PRR5: variants seen among roughly 807,000 people sequenced by gnomAD.
The protein encoded by PRR5 is proline rich 5.
PRR5 carries 25 observed loss-of-function variants against 30.6 expected under a neutral mutation model. The ratio of observed to expected loss-of-function variants is 0.82; its 90% CI spans 0.60 to 1.14. The LOEUF (loss-of-function observed/expected upper bound fraction) is 1.14. Ranked by LOEUF, PRR5 falls within the 50% of genes most tolerant of loss-of-function variation. The probability of loss-of-function intolerance (pLI) is 0.00; values close to 1 mark genes in which losing one functional copy is unlikely to be tolerated. For synonymous variants in PRR5, 286 were observed against 247.1 expected (o/e 1.16, Z -1.48); for missense variants, 600 against 547.1 (o/e 1.10, Z -0.96).
intron 1 of PRR5, among the ~76,000 whole-genome samples, chr22:44,678,059 T>A (rs559990331): frequency 6.6e-6 from 1 of 152,216 alleles, no homozygotes; most frequent in African/African-American, 2.4e-5. Flanking sequence ...TGAAGGGAAG[T>A]GCTGGTACCC....
chr22:44,727,352 G>T (rs1242589897), intron 4 of PRR5, among the ~76,000 whole-genome samples: 1 of 152,192 alleles, frequency 6.6e-6, no homozygotes, highest in Non-Finnish European at 1.5e-5. Context: ...AGGTGAGGGG[G>T]TCCACTCAGT....
At chr22:44,730,805 C>A (rs1171146797) in intron 4 of PRR5, 2 of 525,948 alleles carry the variant, frequency 3.8e-6, no homozygotes, top group Admixed American at 7.0e-5. Flanking sequence ...GCTGGCCTGG[C>A]CCTGGGTCCT....
chr22:44,675,057 G>A (rs548536216), upstream of PRR5, among the ~76,000 whole-genome samples: 27 of 150,732 alleles, frequency 1.8e-4, no homozygotes, highest in East Asian at 1.2e-3. Context: ...GACCATCCTG[G>A]CTAACACGGT....
At chr22:44,723,791 A>G (rs1930291453) in intron 2 of PRR5, among the ~76,000 whole-genome samples, 1 of 152,180 alleles carries the variant, frequency 6.6e-6, no homozygotes, top group African/African-American at 2.4e-5. Context: ...TCAGAACATG[A>G]TCATTTTTCA....
chr22:44,733,291 CCA>C (rs1410807922), intron 6 of PRR5, among the ~76,000 whole-genome samples: 1 of 152,254 alleles, frequency 6.6e-6, no homozygotes, highest in Non-Finnish European at 1.5e-5. Flanking sequence ...TGTCGCAGGA[CCA>C]CACAGTCACT....
upstream of PRR5, among the ~76,000 whole-genome samples, chr22:44,675,307 G>A (rs1923674715): frequency 6.6e-6 from 1 of 152,234 alleles, no homozygotes; most frequent in African/African-American, 2.4e-5. Context: ...TGCCCAGGCT[G>A]GTTTTGAACT....
Position 44,733,947 on chromosome 22 carries a change from C to T in PRR5, c.556-1080C>T, listed in dbSNP as rs368978319. Among the ~76,000 whole-genome samples the T allele has an allele frequency of 2.0e-5, 3 of 152,270 alleles. No individual in the cohort carries two copies. In the East Asian group the frequency reaches 5.8e-4, roughly 29 times the overall value. Reference sequence around the variant, plus strand: ...ATCCCAAGAGTCCTGGGTTAGTCCTCGCCTCTGGCTGGCTGGATTGTCACT... The same window carrying T: ...ATCCCAAGAGTCCTGGGTTAGTCCTTGCCTCTGGCTGGCTGGATTGTCACT... On this transcript the variant is annotated intron_variant, in intron 6 of 7. Transcript: ENST00000336985.
chr22:44,683,487 C>A (rs537428826), intron 1 of PRR5, among the ~76,000 whole-genome samples: 1 of 152,238 alleles, frequency 6.6e-6, no homozygotes, highest in African/African-American at 2.4e-5. Context: ...CAGAAACTGC[C>A]GAGAAGATCT....
intron 2 of PRR5, among the ~76,000 whole-genome samples, chr22:44,720,950 G>A (rs1929841325): frequency 6.6e-6 from 1 of 152,190 alleles, no homozygotes; most frequent in Non-Finnish European, 1.5e-5. Context: ...TCCAGCCATT[G>A]TGAGCCAAGG....
In PRR5 at chr22:44,732,034, G is replaced by A. The variant is rs376263607; in HGVS notation, c.414+213G>A. On this transcript the variant is annotated intron_variant, in intron 5 of 7. Coordinates refer to ENST00000336985, the MANE Select transcript of PRR5 (RefSeq NM_181333.4). ...CCCTCCCTGTGAATCCCCCAGCAGC[G>A]AGGCACAGCGTAGGGGCTCTGTGAC... 2.1e-4 allele frequency among the ~76,000 whole-genome samples: 32 copies of A among 152,334 alleles called. No individual in the cohort carries two copies. The East Asian group carries it at 5.4e-3, about 26-fold the overall frequency.
upstream of PRR5, among the ~76,000 whole-genome samples, chr22:44,699,408 T>C (rs1926054710): frequency 6.6e-6 from 1 of 152,228 alleles, no homozygotes. Context: ...GGGAAACCAT[T>C]TCATCCCATC....
rs144585355 is a variant in PRR5, at chr22:44,718,006, C to T, written c.215+3335C>T. On this transcript the variant is annotated intron_variant, in intron 2 of 7. Transcript: ENST00000336985. Reference sequence around the variant, plus strand: ...CTGGGATTACAGGCGTGAGCCGTTGCACCCAGCCTGCCTGCTTCGCTTCTT... The same window carrying T: ...CTGGGATTACAGGCGTGAGCCGTTGTACCCAGCCTGCCTGCTTCGCTTCTT... Among the ~76,000 whole-genome samples the T allele has an allele frequency of 2.8e-3, 423 of 152,252 alleles. 6 individuals are homozygous for T. Among genetic ancestry groups the T allele is most frequent in the Admixed American group, 0.014 (207 of 15,300 alleles).
At chr22:44,676,243 C>G (rs1569060518), upstream of PRR5, among the ~76,000 whole-genome samples, 1 of 150,982 alleles carries the variant, frequency 6.6e-6, no homozygotes, top group African/African-American at 2.4e-5. Context: ...AAAAATGAGT[C>G]AGCCGGGCAT....
At chr22:44,716,680 T>C (rs1929101429) in intron 2 of PRR5, among the ~76,000 whole-genome samples, 1 of 152,200 alleles carries the variant, frequency 6.6e-6, no homozygotes, top group Admixed American at 6.5e-5. Context: ...TGAATAGAGC[T>C]GGAGCTCAAG....
intron 1 of PRR5, among the ~76,000 whole-genome samples, chr22:44,692,681 GAA>G (rs1341843361): frequency 6.6e-6 from 1 of 152,220 alleles, no homozygotes; most frequent in Non-Finnish European, 1.5e-5. Flanking sequence ...ATTCTTCTAA[GAA>G]AAGGCTGCCA....
At chr22:44,723,921 T>C (rs1375626147) in intron 2 of PRR5, among the ~76,000 whole-genome samples, 2 of 152,210 alleles carry the variant, frequency 1.3e-5, no homozygotes, top group Non-Finnish European at 2.9e-5. Context: ...CAATTTGCTG[T>C]CTGTGCATGA....
intron 1 of PRR5, among the ~76,000 whole-genome samples, chr22:44,709,023 A>T (rs2147047963): frequency 6.7e-6 from 1 of 149,736 alleles, no homozygotes; most frequent in East Asian, 2.0e-4. Context: ...AGGTTCATGC[A>T]GTGATTTGGG....
At chr22:44,703,989 C>G (rs1926788223) in intron 1 of PRR5, among the ~76,000 whole-genome samples, 1 of 152,222 alleles carries the variant, frequency 6.6e-6, no homozygotes, top group Non-Finnish European at 1.5e-5. Flanking sequence ...AGACTTATTT[C>G]AAATCCCAAC....
chr22:44,702,527 T>G lies in PRR5; in HGVS notation c.53T>G (p.Leu18Arg). 6.8e-7 allele frequency: 1 copy of G among 1,465,472 alleles called. No homozygotes were observed. Among genetic ancestry groups the G allele is most frequent in the Non-Finnish European group, 9.0e-7 (1 of 1,106,792 alleles). The allele number at this position is 1,465,472 out of a possible 1,614,324, so 90.8% of individuals were successfully genotyped here. Residue 18 changes from leucine to arginine, a missense_variant, in exon 1 of 8, where the codon CTG becomes CGG. Transcript: ENST00000336985. ...ATGAGTTCGCCCAGCCTCAGTGACC[T>G]GGGCAAGAGAGAGCCGGCCGCCGCC... The part of the protein sequence containing the change: ...KFMSSPSLSD[L>R]GKREPAAAAD...
Sources: allele counts gnomAD v4.1 joint callset (sites outside exome capture counted in the v4.1 genomes callset), GRCh38; gene constraint gnomAD v4.1.1; transcripts MANE v1.5; gene names NCBI Gene and HGNC (gene_info 2026-07-23, HGNC 2026-07-21).